The following BDP1 variants were observed in gnomAD, a reference collection of about 807,000 sequenced individuals.
BDP1 encodes the protein transcription factor TFIIIB component B'' homolog.
Under a neutral mutation model 266.6 loss-of-function variants are expected in BDP1, and 169 were observed. That is an observed-to-expected ratio of 0.63 (90% confidence interval 0.56 to 0.72). The LOEUF (loss-of-function observed/expected upper bound fraction) is 0.72. Ranked by LOEUF, BDP1 falls within the 30% of genes least tolerant of loss-of-function variation. The pLI, the probability that BDP1 is intolerant of heterozygous loss-of-function variation, is 0.00. For synonymous variants in BDP1, 1,090 were observed against 1,022.4 expected, an observed-to-expected ratio of 1.07 and a Z score of -1.26; for missense variants, 3,015 against 3,053.8, an observed-to-expected ratio of 0.99 and a Z score of 0.30.
Position 71,524,298 on chromosome 5 carries a change from C to T in BDP1, c.5747C>T (p.Ala1916Val). The change falls in exon 25 of 39, where the codon GCT becomes GTT. Residue 1916 changes from alanine to valine, a missense_variant. Transcript: ENST00000358731. ...VGLRSPEPVS[A>V]QIEETMEELE... ...CTCAGATCTCCTGAACCTGTTTCTG[C>T]TCAGATTGAGGAAACAATGGAAGAG... 1 of 1,596,500 alleles carries T rather than the reference C, an allele frequency of 6.3e-7. No homozygotes were observed. The highest frequency in any genetic ancestry group is 8.6e-7 in the Non-Finnish European group (1 of 1,166,868).
At chr5:71,466,463 A>T (rs557978115) in intron 5 of BDP1, among the ~76,000 whole-genome samples, 1 of 152,334 alleles carries the variant, frequency 6.6e-6, no homozygotes, top group South Asian at 2.1e-4. Context: ...TTGTTTTATT[A>T]TCTTTACTGG....
At chr5:71,475,475 C>T (rs1175684939) in intron 7 of BDP1, among the ~76,000 whole-genome samples, 1 of 152,074 alleles carries the variant, frequency 6.6e-6, no homozygotes, top group East Asian at 1.9e-4. Context: ...TTTTGCTGTT[C>T]CTAATTTTAT....
chr5:71,497,439 A>C lies in BDP1; in HGVS notation c.1956+13A>C. On this transcript the variant is annotated intron_variant, in intron 13 of 38. Coordinates refer to ENST00000358731, the MANE Select transcript of BDP1 (RefSeq NM_018429.3). ...TTCAGTTGAAAAGGTATGGGGTAAG[A>C]GATTTCATGGAAATTAAAATTATAA... The C allele has an allele frequency of 6.4e-7, 1 of 1,571,056 alleles. No individual in the cohort carries two copies. Among genetic ancestry groups the C allele is most frequent in the South Asian group, 1.2e-5 (1 of 83,718 alleles).
In BDP1 at chr5:71,510,358, T is replaced by G. The variant is rs765064134; in HGVS notation, c.3266T>G (p.Ile1089Arg). The G allele has an allele frequency of 1.4e-5, 22 of 1,610,252 alleles. No homozygotes were observed. The Admixed American group carries it at 1.5e-4, about 11-fold the overall frequency. Residue 1089 changes from isoleucine (I) to arginine (R), a missense_variant, in exon 17 of 39, where the codon ATA becomes AGA. Ile to Arg is a moderately conservative substitution (Grantham distance 97, BLOSUM62 -3). This residue lies in a region of BDP1 where 2,383 missense variants were observed against 2,404.9 expected (regional missense o/e 0.99). Transcript: ENST00000358731. ...EVIDAIEEIE[I>R]DLEETEREIS... ...ATTGATGCCATTGAGGAAATAGAGATAGATTTGGAAGAAACTGAAAGAGAA... is the reference window on the plus strand; with the variant it reads ...ATTGATGCCATTGAGGAAATAGAGAGAGATTTGGAAGAAACTGAAAGAGAA...
intron 25 of BDP1, among the ~76,000 whole-genome samples, chr5:71,526,081 G>A (rs1484576359): frequency 6.6e-6 from 1 of 152,208 alleles, no homozygotes; most frequent in African/African-American, 2.4e-5. Flanking sequence ...GGGGGGCCAA[G>A]GCAGGCAGCT....
Position 71,484,639 on chromosome 5 carries a change from A to G in BDP1, c.1069+743A>G, listed in dbSNP as rs572822006. On this transcript the variant is annotated intron_variant, in intron 8 of 38. Coordinates refer to ENST00000358731, the MANE Select transcript of BDP1 (RefSeq NM_018429.3). ...TATTTTTCTTCAAGTCTAGAGAAAG[A>G]TATCAAAGGATCTATAAAGAAAAAT... Among the ~76,000 whole-genome samples, 24 of 152,336 alleles carry G rather than the reference A, an allele frequency of 1.6e-4. No homozygotes were observed. The East Asian group carries it at 3.9e-3, about 25-fold the overall frequency.
intron 25 of BDP1, among the ~76,000 whole-genome samples, chr5:71,525,592 A>C (rs1469933216): frequency 3.6e-5 from 2 of 55,500 alleles, no homozygotes; most frequent in Admixed American, 1.7e-4. Flanking sequence ...CGGGGGGCTG[A>C]CCCCCCAACC....
intron 8 of BDP1, 115 bp downstream of exon 8, chr5:71,484,011 A>C (rs1436488949): frequency 2.5e-6 from 2 of 814,690 alleles, no homozygotes; most frequent in African/African-American, 1.7e-5. Context: ...ATTGGCATTA[A>C]GAGGAAGCAG....
intron 28 of BDP1, among the ~76,000 whole-genome samples, chr5:71,541,202 G>A (rs538670777): frequency 1.1e-4 from 16 of 151,966 alleles, no homozygotes; most frequent in African/African-American, 3.6e-4. Flanking sequence ...ACTAATAATC[G>A]GATAAAATTC....
chr5:71,496,952 T>C (rs1763935598), intron 12 of BDP1, among the ~76,000 whole-genome samples: 1 of 152,240 alleles, frequency 6.6e-6, no homozygotes, highest in African/African-American at 2.4e-5. Context: ...TTGCATTTCA[T>C]CTTATCCTCC....
Position 71,467,386 on chromosome 5 carries a change from C to T in BDP1, c.818C>T (p.Pro273Leu), listed in dbSNP as rs1343701685. The T allele has an allele frequency of 1.2e-6, 2 of 1,609,992 alleles. No individual in the cohort carries two copies. The highest frequency in any genetic ancestry group is 8.5e-7 in the Non-Finnish European group (1 of 1,176,700). ...GTAGAAGTTTTAAGAACAAAAGGCC[C>T]TTGTGTTGTTGAAGAAAATGACCCC... ...LTVEVLRTKGPCVVEENDPIF... is the reference protein window; with the variant it reads ...LTVEVLRTKGLCVVEENDPIF... Residue 273 changes from proline to leucine, a missense_variant, in exon 6 of 39, where the codon CCT (proline) becomes CTT (leucine). By Grantham distance (98) the Pro-to-Leu change is moderately conservative (BLOSUM62 -3). Coordinates refer to ENST00000358731, the MANE Select transcript of BDP1 (RefSeq NM_018429.3).
chr5:71,572,729 T>A (rs1744309042), downstream of BDP1, among the ~76,000 whole-genome samples: 1 of 152,188 alleles, frequency 6.6e-6, no homozygotes, highest in African/African-American at 2.4e-5. Flanking sequence ...TTATTAAAAC[T>A]CTTGATGTGG....
At chr5:71,548,132 C>CA (rs1221840965) in intron 32 of BDP1, among the ~76,000 whole-genome samples, 1 of 151,404 alleles carries the variant, frequency 6.6e-6, no homozygotes, top group Non-Finnish European at 1.5e-5. Context: ...TTGAAAAATA[C>CA]AAAAAAATTA....
chr5:71,556,947 A>C lies in BDP1; in HGVS notation c.7240+22A>C, dbSNP rs191407193. ...ACAGGTAAGTGAAATACATTTTAAC[A>C]TGATTGCATTTTGCTAAATACTCCT... On this transcript the variant is annotated intron_variant, in intron 36 of 38. Coordinates refer to ENST00000358731, the MANE Select transcript of BDP1 (RefSeq NM_018429.3). 6.4e-4 allele frequency: 889 copies of C among 1,378,922 alleles called. 3 individuals carry two copies. In the African/African-American group the frequency reaches 0.012, roughly 19 times the overall value. 85.4% of individuals were successfully genotyped at this position (1,378,922 alleles called of 1,614,324 possible). A position where few individuals can be genotyped will look rare whatever the true frequency, so the allele number is the denominator to read the frequency against.
Position 71,523,861 on chromosome 5 carries a change from T to C in BDP1, c.5388-78T>C. The C allele has an allele frequency of 2.2e-6, 3 of 1,377,338 alleles. No homozygotes were observed. The South Asian group carries it at 4.8e-5, about 22-fold the overall frequency. The allele number at this position is 1,377,338 out of a possible 1,614,324, so 85.3% of individuals were successfully genotyped here. On this transcript the variant is annotated intron_variant, in intron 24 of 38. Transcript: ENST00000358731. ...CATTTTAATGACTGGAACTGGAATT[T>C]CACTCTAAAAGTTTGGTTTTCATTA...
chr5:71,509,550 A>G lies in BDP1; in HGVS notation c.2458A>G (p.Arg820Gly). 1 of 1,612,828 alleles carries G rather than the reference A, an allele frequency of 6.2e-7. No homozygotes were observed. The highest frequency in any genetic ancestry group is 8.5e-7 in the Non-Finnish European group (1 of 1,179,756). ...RFQKPKPNIGRGTGRREISSK... is the reference protein window; with the variant it reads ...RFQKPKPNIGGGTGRREISSK... ...TCAGAAACCAAAGCCAAATATAGGA[A>G]GAGGAACTGGAAGGAGAGAAATTTC... Residue 820 changes from arginine to glycine, a missense_variant, in exon 17 of 39, where the codon AGA (arginine) becomes GGA (glycine). Around this residue, in one of 3 missense-constraint regions of BDP1, gnomAD observed 2,383 missense variants for 2,404.9 expected, o/e 0.99. Coordinates refer to ENST00000358731, the MANE Select transcript of BDP1 (RefSeq NM_018429.3).
In BDP1 at chr5:71,523,951, G is replaced by A. The variant is rs371823748; in HGVS notation, c.5400G>A (p.Pro1800=). The A allele has an allele frequency of 1.1e-4, 170 of 1,612,788 alleles. No individual in the cohort carries two copies. Among genetic ancestry groups the A allele is most frequent in the Non-Finnish European group, 1.4e-4 (161 of 1,179,356 alleles). The change falls in exon 25 of 39, where the codon CCG becomes CCA. Residue 1800 remains proline, a synonymous_variant. Coordinates refer to ENST00000358731, the MANE Select transcript of BDP1 (RefSeq NM_018429.3). ...ATTAAATATCTAGCTGTCCACAACC[G>A]TTAAACGAAACAAGTTACTCTAAAA... is the stretch of plus-strand genomic sequence containing the variant. The part of the protein sequence containing the change: ...YLNKLTSCPQ[P]LNETSYSKIA...
In BDP1 at chr5:71,542,195, C is replaced by T. The variant is rs368194611; in HGVS notation, c.6342C>T (p.Asn2114=). 128 of 1,613,476 alleles carry T rather than the reference C, an allele frequency of 7.9e-5. No homozygotes were observed. In the East Asian group the frequency reaches 2.3e-3, roughly 29 times the overall value. Residue 2114 remains asparagine, a synonymous_variant, in exon 30 of 39, where the codon AAC becomes AAT. Coordinates refer to ENST00000358731, the MANE Select transcript of BDP1 (RefSeq NM_018429.3). The part of the protein sequence containing the change: ...KPNLEKTLGT[N]RLDDYQEVSS... ...ATCTTGAGAAGACTTTAGGGACCAA[C>T]AGGCTTGATGATTATCAGGAAGTTT...
chr5:71,501,668 A>ATTT lies in BDP1; in HGVS notation c.2048+15_2048+16insTTT. 3 of 941,636 alleles carry ATTT rather than the reference A, an allele frequency of 3.2e-6. No homozygotes were observed. Among genetic ancestry groups the ATTT allele is most frequent in the Non-Finnish European group, 3.1e-6 (2 of 636,926 alleles). 58.3% of individuals were successfully genotyped at this position (941,636 alleles called of 1,614,324 possible). The stretch of plus-strand genomic sequence containing the variant: ...ACTGTATCTGTGTGAGTATTCAGGA[A>ATTT]GTAGTAAAAAAAAAAAAAAAAAAAA... On this transcript the variant is annotated intron_variant, in intron 14 of 38. Coordinates refer to ENST00000358731, the MANE Select transcript of BDP1 (RefSeq NM_018429.3).
Sources: allele counts gnomAD v4.1 joint callset (sites outside exome capture counted in the v4.1 genomes callset), GRCh38; gene constraint gnomAD v4.1.1; regional missense constraint gnomAD v4.1.1; transcripts MANE v1.5; gene names NCBI Gene and HGNC (gene_info 2026-07-23, HGNC 2026-07-21).